Variants in IMMP2L observed in about 807,000 individuals in gnomAD.
The protein encoded by IMMP2L is mitochondrial inner membrane protease subunit 2.
In IMMP2L, 18 loss-of-function variants were observed where a neutral mutation model predicts 19.3. The observed-to-expected ratio is 0.93, with a 90% CI of 0.64 to 1.38. The LOEUF (loss-of-function observed/expected upper bound fraction) is 1.38, where lower values mean the gene tolerates loss of function less well. IMMP2L is among the 40% of genes most tolerant of loss of function. The pLI is 0.00. For missense variants in IMMP2L, 233 were observed against 218.2 expected, an observed-to-expected ratio of 1.07 and a Z score of -0.43; for synonymous variants, 76 against 73.0, an observed-to-expected ratio of 1.04 and a Z score of -0.21.
chr7:111,463,770 T>A (rs529969160), intron 3 of IMMP2L, among the ~76,000 whole-genome samples: 2 of 152,314 alleles, frequency 1.3e-5, no homozygotes, highest in African/African-American at 2.4e-5. Context: ...CCCTCTATAA[T>A]GAAGTCCATT....
At chr7:111,069,728 G>T (rs1781436775) in intron 3 of IMMP2L, among the ~76,000 whole-genome samples, 1 of 152,084 alleles carries the variant, frequency 6.6e-6, no homozygotes, top group Non-Finnish European at 1.5e-5. Flanking sequence ...GCGAGATGGG[G>T]TGATCTGGAA....
chr7:111,185,793 G>A (rs960710412), intron 3 of IMMP2L, among the ~76,000 whole-genome samples: 1 of 152,094 alleles, frequency 6.6e-6, no homozygotes, highest in African/African-American at 2.4e-5. Flanking sequence ...GAAATAACAT[G>A]AGAAGTATAA....
In IMMP2L at chr7:111,043,442, T is replaced by C. The variant is rs141397086; in HGVS notation, c.240-79877A>G. Among the ~76,000 whole-genome samples, 68 of 152,322 alleles carry C rather than the reference T, an allele frequency of 4.5e-4. No individual in the cohort carries two copies. The East Asian group carries it at 0.011, about 24-fold the overall frequency. ...TTTATACAGTACTCAAAAATGCCTA[T>C]AGGAAAATACATAAACTTTAAATGA... On this transcript the variant is annotated intron_variant, in intron 3 of 5. Coordinates refer to ENST00000405709, the MANE Select transcript of IMMP2L (RefSeq NM_032549.4).
chr7:110,902,383 T>G (rs1157096430), intron 4 of IMMP2L, among the ~76,000 whole-genome samples: 1 of 123,946 alleles, frequency 8.1e-6, no homozygotes. Context: ...TAACTAATGG[T>G]CCATACTCCT....
chr7:111,159,222 T>C (rs925321273), intron 3 of IMMP2L, among the ~76,000 whole-genome samples: 2 of 152,106 alleles, frequency 1.3e-5, no homozygotes, highest in African/African-American at 4.8e-5. Flanking sequence ...TTCAAGTGAT[T>C]CTCCTGCCTC....
intron 5 of IMMP2L, among the ~76,000 whole-genome samples, chr7:110,703,440 T>C (rs1284072033): frequency 6.6e-6 from 1 of 152,210 alleles, no homozygotes. Context: ...AGCCAATTCT[T>C]GGCTTATCAA....
rs563499647 is a variant in IMMP2L, at chr7:111,132,603, G to A, written c.240-169038C>T. On this transcript the variant is annotated intron_variant, in intron 3 of 5. Coordinates refer to ENST00000405709, the MANE Select transcript of IMMP2L (RefSeq NM_032549.4). ...ATAATGCTTAGCTTTGTTGACTGAC[G>A]TGTAATCTATTGCAAATCTTGGGTT... Among the ~76,000 whole-genome samples the A allele has an allele frequency of 4.0e-4, 61 of 152,088 alleles. No individual in the cohort carries two copies. The South Asian group carries it at 8.5e-3, about 21-fold the overall frequency.
At chr7:111,411,566 CT>C in intron 3 of IMMP2L, 2 of 329,758 alleles carry the variant, frequency 6.1e-6, no homozygotes, top group Non-Finnish European at 6.1e-6. Flanking sequence ...AGGCACCATC[CT>C]TCAACAGGCT....
chr7:110,910,462 T>C (rs1286569000), intron 4 of IMMP2L, among the ~76,000 whole-genome samples: 3 of 152,180 alleles, frequency 2.0e-5, no homozygotes, highest in East Asian at 3.8e-4. Flanking sequence ...TGCCAGATGC[T>C]AGGATTGTAG....
intron 1 of IMMP2L, among the ~76,000 whole-genome samples, chr7:111,532,989 G>A (rs919079016): frequency 6.6e-6 from 1 of 152,168 alleles, no homozygotes; most frequent in Non-Finnish European, 1.5e-5. Flanking sequence ...TAGCTTATAA[G>A]TGCAAGTGTA....
chr7:110,721,769 A>G (rs1297854584), intron 5 of IMMP2L, among the ~76,000 whole-genome samples: 3 of 152,168 alleles, frequency 2.0e-5, no homozygotes, highest in Non-Finnish European at 4.4e-5. Context: ...GTGATCATAT[A>G]GAAAACTCGT....
At chr7:111,112,796 AT>A (rs1391184801) in intron 3 of IMMP2L, among the ~76,000 whole-genome samples, 3 of 152,160 alleles carry the variant, frequency 2.0e-5, no homozygotes, top group Admixed American at 2.0e-4. Flanking sequence ...TTCCTTAGGT[AT>A]AGTAACAGAA....
intron 3 of IMMP2L, among the ~76,000 whole-genome samples, chr7:111,065,822 G>A (rs1197099702): frequency 6.6e-6 from 1 of 151,978 alleles, no homozygotes; most frequent in African/African-American, 2.4e-5. Flanking sequence ...GACCTTGTAA[G>A]ATAATACTAC....
chr7:111,376,055 T>G (rs1830653243), intron 3 of IMMP2L, among the ~76,000 whole-genome samples: 1 of 152,118 alleles, frequency 6.6e-6, no homozygotes, highest in South Asian at 2.1e-4. Context: ...ACTAGCTCTG[T>G]GACCTTGAAC....
At chr7:111,284,771 G>C (rs1459737988) in intron 3 of IMMP2L, among the ~76,000 whole-genome samples, 4 of 152,160 alleles carry the variant, frequency 2.6e-5, no homozygotes. Flanking sequence ...TGTACTCTGT[G>C]AGCAATGAAA....
At chr7:110,901,782 C>T (rs1397072490) in intron 4 of IMMP2L, among the ~76,000 whole-genome samples, 1 of 152,050 alleles carries the variant, frequency 6.6e-6, no homozygotes, top group Non-Finnish European at 1.5e-5. Flanking sequence ...GAAATTCAAT[C>T]AGTAACATAA....
Position 110,948,910 on chromosome 7 carries a change from T to C in IMMP2L, c.305+14590A>G, listed in dbSNP as rs140087512. On this transcript the variant is annotated intron_variant, in intron 4 of 5. Transcript: ENST00000405709. ...CACAAATGCAATTTCCTCTCTCTCC[T>C]AGAGCTAGGATATACTCTTCTCCTG... is the stretch of plus-strand genomic sequence containing the variant. 3.0e-3 allele frequency among the ~76,000 whole-genome samples: 460 copies of C among 152,254 alleles called. 1 individual carries two copies. Among genetic ancestry groups the C allele is most frequent in the African/African-American group, 0.01 (432 of 41,568 alleles).
chr7:111,491,757 T>C (rs1843125649), intron 2 of IMMP2L, among the ~76,000 whole-genome samples: 1 of 152,178 alleles, frequency 6.6e-6, no homozygotes, highest in African/African-American at 2.4e-5. Context: ...GACCTCAGTA[T>C]CCACAGGTCC....
chr7:110,898,848 A>C (rs1811582607), intron 4 of IMMP2L, among the ~76,000 whole-genome samples: 1 of 150,046 alleles, frequency 6.7e-6, no homozygotes, highest in Non-Finnish European at 1.5e-5. Flanking sequence ...CAACCAATCT[A>C]CACAGTCATT....
Sources: allele counts gnomAD v4.1 joint callset (sites outside exome capture counted in the v4.1 genomes callset), GRCh38; gene constraint gnomAD v4.1.1; transcripts MANE v1.5; gene names NCBI Gene and HGNC (gene_info 2026-07-23, HGNC 2026-07-21).